The following ANKHD1 variants were observed in gnomAD, a reference collection of about 807,000 sequenced individuals.
The protein encoded by ANKHD1 is ankyrin repeat and KH domain containing 1.
ANKHD1 carries 31 observed loss-of-function variants against 230.5 expected under a neutral mutation model. The observed-to-expected ratio is 0.13, with a 90% CI of 0.10 to 0.18. ANKHD1 has a LOEUF of 0.18. ANKHD1 is among the 10% of genes least tolerant of loss of function. ANKHD1 has a pLI of 1.00. For synonymous variants in ANKHD1, 1,074 were observed against 1,117.6 expected (o/e 0.96, Z 0.78); for missense variants, 2,256 against 3,071.3 (o/e 0.73, Z 6.27).
chr5:140,537,646 C>T (rs1324535815), intron 31 of ANKHD1, 57 bp downstream of exon 31: 2 of 1,477,280 alleles, frequency 1.4e-6, no homozygotes, highest in Non-Finnish European at 9.0e-7. Context: ...GTAGGTTTGC[C>T]ATTAAAACTT....
chr5:140,517,099 A>T (rs559965061), intron 24 of ANKHD1, among the ~76,000 whole-genome samples: 1 of 147,306 alleles, frequency 6.8e-6, no homozygotes, highest in Non-Finnish European at 1.5e-5. Context: ...AGGAAGATCT[A>T]CCAAGCAAAT....
intron 30 of ANKHD1, among the ~76,000 whole-genome samples, chr5:140,536,805 C>G (rs1179027093): frequency 6.6e-6 from 1 of 152,090 alleles, no homozygotes; most frequent in Non-Finnish European, 1.5e-5. Context: ...GGGCAGATCA[C>G]CTGAGGTTGG....
At chr5:140,531,138 C>A (rs1753796606) in intron 29 of ANKHD1, among the ~76,000 whole-genome samples, 1 of 152,124 alleles carries the variant, frequency 6.6e-6, no homozygotes, top group African/African-American at 2.4e-5. Context: ...TTTCCAGTAC[C>A]CAGGATGTGA....
intron 1 of ANKHD1, among the ~76,000 whole-genome samples, chr5:140,407,296 A>C (rs1770547026): frequency 7.8e-5 from 1 of 12,890 alleles, no homozygotes; most frequent in Admixed American, 8.5e-4. Flanking sequence ...CTCCATCTCC[A>C]AAAAAAAAAA....
rs1393504421 is a variant in ANKHD1 at position 140,423,576 on chromosome 5, C to T, written c.307-12528C>T. Among the ~76,000 whole-genome samples, 3 of 152,172 alleles carry T rather than the reference C, an allele frequency of 2.0e-5. No individual in the cohort carries two copies. In the East Asian group the frequency reaches 5.8e-4, roughly 29 times the overall value. On this transcript the variant is annotated intron_variant, in intron 1 of 33. Coordinates refer to ENST00000360839, the MANE Select transcript of ANKHD1 (RefSeq NM_017747.3). The stretch of plus-strand genomic sequence containing the variant: ...TCGCCAAGCCTGTGATGCTTCAGGG[C>T]CTTTGGCACTTCTGGTTCCCTCTGT...
rs1581389983 is a variant in ANKHD1 at position 140,539,583 on chromosome 5, A to G, written c.*165A>G. ...AAATTGATTTCCTATCCACCTGATT[A>G]TGTTCTCTGGTTAGTTTAGCCATTT... On this transcript the variant is annotated 3_prime_UTR_variant, in exon 34 of 34. Coordinates refer to ENST00000360839, the MANE Select transcript of ANKHD1 (RefSeq NM_017747.3). 1.3e-6 allele frequency: 1 copy of G among 768,798 alleles called. No individual in the cohort carries two copies. The highest frequency in any genetic ancestry group is 2.0e-6 in the Non-Finnish European group (1 of 498,796). The allele number at this position is 768,798 out of a possible 1,614,324, so 47.6% of individuals were successfully genotyped here.
At position 140,401,941 on chromosome 5, in the gene ANKHD1, CA is replaced by C; in HGVS notation, c.-26del. ...GCGGCGGTGACCGCGAGTGGGTCGG[CA>C]CCGTCTCCGGCTCCGGGTGCGAACA... On this transcript the variant is annotated 5_prime_UTR_variant, in exon 1 of 34. Transcript: ENST00000360839. The C allele has an allele frequency of 2.6e-6, 4 of 1,549,928 alleles. No individual in the cohort carries two copies. Among genetic ancestry groups the C allele is most frequent in the Non-Finnish European group, 3.5e-6 (4 of 1,155,150 alleles).
intron 1 of ANKHD1, among the ~76,000 whole-genome samples, chr5:140,408,306 C>T (rs1042866536): frequency 3.3e-5 from 5 of 152,084 alleles, no homozygotes; most frequent in Non-Finnish European, 7.4e-5. Flanking sequence ...CAAATTCTAC[C>T]CTTCAAGGTA....
chr5:140,510,016 C>T lies in ANKHD1; in HGVS notation c.3942-3C>T. The T allele has an allele frequency of 6.2e-7, 1 of 1,609,582 alleles. No homozygotes were observed. The highest frequency in any genetic ancestry group is 8.5e-7 in the Non-Finnish European group (1 of 1,177,320). The stretch of plus-strand genomic sequence containing the variant: ...ACAAACTATTAATATGCCTTGTTTA[C>T]AGGGGAGCCCACATTGATGTTCGTA... On this transcript the variant is annotated splice_region_variant and splice_polypyrimidine_tract_variant and intron_variant, in intron 21 of 33. Coordinates refer to ENST00000360839, the MANE Select transcript of ANKHD1 (RefSeq NM_017747.3).
intron 24 of ANKHD1, among the ~76,000 whole-genome samples, chr5:140,513,685 T>G (rs1304356287): frequency 5.3e-5 from 8 of 151,892 alleles, no homozygotes; most frequent in Non-Finnish European, 7.4e-5. Flanking sequence ...GGCACACCCC[T>G]GTAATCCCAG....
At chr5:140,447,646 T>C (rs889786563) in intron 6 of ANKHD1, among the ~76,000 whole-genome samples, 5 of 152,242 alleles carry the variant, frequency 3.3e-5, no homozygotes, top group African/African-American at 4.8e-5. Context: ...GTAAGCCGTT[T>C]AGGGCTAGTA....
chr5:140,451,357 A>G (rs1324879628), intron 7 of ANKHD1, among the ~76,000 whole-genome samples: 1 of 152,120 alleles, frequency 6.6e-6, no homozygotes, highest in East Asian at 1.9e-4. Context: ...AAAATATTTT[A>G]TTTTACATGT....
At chr5:140,454,867 C>G (rs1304883655) in intron 7 of ANKHD1, among the ~76,000 whole-genome samples, 6 of 151,930 alleles carry the variant, frequency 3.9e-5, no homozygotes, top group Admixed American at 2.6e-4. Context: ...AAGATCAGAG[C>G]AGAACTAAAG....
intron 5 of ANKHD1, among the ~76,000 whole-genome samples, chr5:140,442,967 G>A (rs2126925823): frequency 6.6e-6 from 1 of 150,998 alleles, no homozygotes; most frequent in Admixed American, 6.6e-5. Context: ...GTGCAGTGGT[G>A]CGATCTCAGC....
At chr5:140,412,577 A>G (rs1258665258) in intron 1 of ANKHD1, among the ~76,000 whole-genome samples, 4 of 152,254 alleles carry the variant, frequency 2.6e-5, no homozygotes, top group Admixed American at 6.5e-5. Context: ...TTAATTGGAA[A>G]GTTCAGGTCT....
chr5:140,494,316 G>A (rs931364780), intron 14 of ANKHD1, among the ~76,000 whole-genome samples: 2 of 152,092 alleles, frequency 1.3e-5, no homozygotes, highest in Non-Finnish European at 2.9e-5. Flanking sequence ...TGCTCTGAAA[G>A]AATAAAGTCT....
chr5:140,471,808 A>G (rs1776514088), intron 10 of ANKHD1, among the ~76,000 whole-genome samples: 1 of 152,184 alleles, frequency 6.6e-6, no homozygotes, highest in Admixed American at 6.5e-5. Context: ...CCTTAAGTAC[A>G]TTTATAATGA....
rs78928520 is a variant in ANKHD1 at position 140,524,756 on chromosome 5, T to A, written c.4492+516T>A. On this transcript the variant is annotated intron_variant, in intron 25 of 33. Transcript: ENST00000360839. Reference sequence around the variant, plus strand: ...ATTCTAAAATACTATTTGAAAAATGTCCTAAATTCAAATTATATTGTGGTT... The same window carrying A: ...ATTCTAAAATACTATTTGAAAAATGACCTAAATTCAAATTATATTGTGGTT... Among the ~76,000 whole-genome samples, 84 of 152,254 alleles carry A rather than the reference T, an allele frequency of 5.5e-4. 3 individuals are homozygous for A. The East Asian group carries it at 0.014, about 25-fold the overall frequency.
chr5:140,492,346 C>A (rs960860243), intron 14 of ANKHD1, among the ~76,000 whole-genome samples: 2 of 152,080 alleles, frequency 1.3e-5, no homozygotes, highest in African/African-American at 4.8e-5. Context: ...TCTTTGGACA[C>A]CCTTGGTTAA....
Sources: allele counts gnomAD v4.1 joint callset (sites outside exome capture counted in the v4.1 genomes callset), GRCh38; gene constraint gnomAD v4.1.1; transcripts MANE v1.5; gene names NCBI Gene and HGNC (gene_info 2026-07-23, HGNC 2026-07-21).